The following WWOX variants were observed in gnomAD, a reference collection of about 807,000 sequenced individuals.
The protein encoded by WWOX is WW domain containing oxidoreductase.
A neutral mutation model predicts 46.2 loss-of-function variants in WWOX; 69 were observed. The ratio of observed to expected loss-of-function variants is 1.49; its 90% CI spans 1.23 to 1.82. The LOEUF (loss-of-function observed/expected upper bound fraction) is 1.82. WWOX is among the 40% of genes most tolerant of loss of function. WWOX has a pLI of 0.00. For missense variants in WWOX, 919 were observed against 542.6 expected (o/e 1.69, Z -6.89); for synonymous variants, 359 against 202.6 (o/e 1.77, Z -6.56).
At chr16:78,260,898 C>T (rs2079215324) in intron 5 of WWOX, among the ~76,000 whole-genome samples, 4 of 140,738 alleles carry the variant, frequency 2.8e-5, no homozygotes, top group African/African-American at 8.2e-5. Context: ...GATCACACCA[C>T]TGCACTCCAG....
intron 8 of WWOX, among the ~76,000 whole-genome samples, chr16:79,209,138 A>T (rs2051624010): frequency 6.6e-6 from 1 of 152,214 alleles, no homozygotes; most frequent in Admixed American, 6.5e-5. Context: ...CTCCTGATAA[A>T]AAGTTAGGCT....
intron 8 of WWOX, among the ~76,000 whole-genome samples, chr16:78,540,219 C>T (rs768758947): frequency 2.0e-5 from 3 of 151,208 alleles, no homozygotes; most frequent in Non-Finnish European, 4.4e-5. Context: ...TGGGATTGAT[C>T]TCCTGCAGCA....
intron 8 of WWOX, among the ~76,000 whole-genome samples, chr16:78,703,619 G>T (rs958778900): frequency 9.9e-5 from 15 of 151,302 alleles, no homozygotes; most frequent in African/African-American, 3.2e-4. Context: ...ATGCTGTTTT[G>T]TTTTTGTTTT....
In WWOX at chr16:78,373,879, C is replaced by T. The variant is rs182014522; in HGVS notation, c.517-12981C>T. ...CTCGGCTCACTGCAAACTCTGCCTC[C>T]TGAGTTCAAGCAATCCTCCCACCTC... On this transcript the variant is annotated intron_variant, in intron 5 of 8. Transcript: ENST00000566780. Among the ~76,000 whole-genome samples the T allele has an allele frequency of 1.7e-3, 258 of 152,296 alleles. 1 individual carries two copies. Among genetic ancestry groups the T allele is most frequent in the African/African-American group, 5.9e-3 (244 of 41,566 alleles).
chr16:78,393,221 A>C (rs1037255192), intron 6 of WWOX, among the ~76,000 whole-genome samples: 36 of 152,180 alleles, frequency 2.4e-4, no homozygotes, highest in African/African-American at 8.7e-4. Flanking sequence ...CTGAGAAATA[A>C]CAGTATGTTT....
intron 8 of WWOX, among the ~76,000 whole-genome samples, chr16:78,816,916 T>A (rs1216044301): frequency 1.3e-5 from 2 of 152,188 alleles, no homozygotes; most frequent in African/African-American, 4.8e-5. Context: ...CAAGATTCCA[T>A]TGCAAGTCCC....
At chr16:78,524,977 T>G (rs2043429320) in intron 8 of WWOX, among the ~76,000 whole-genome samples, 1 of 150,058 alleles carries the variant, frequency 6.7e-6, no homozygotes, top group Admixed American at 6.6e-5. Flanking sequence ...GCAATCTTCG[T>G]GTTTCAGCCT....
At chr16:78,857,694 C>G (rs991424300) in intron 8 of WWOX, among the ~76,000 whole-genome samples, 1 of 152,192 alleles carries the variant, frequency 6.6e-6, no homozygotes, top group Non-Finnish European at 1.5e-5. Context: ...GAATTGATCA[C>G]TAGAGGCCTT....
At chr16:78,579,293 A>G (rs1251842137) in intron 8 of WWOX, among the ~76,000 whole-genome samples, 1 of 152,168 alleles carries the variant, frequency 6.6e-6, no homozygotes, top group African/African-American at 2.4e-5. Flanking sequence ...GTAGAGTGTG[A>G]CAGCATATGT....
intron 8 of WWOX, among the ~76,000 whole-genome samples, chr16:78,941,772 A>G (rs941484613): frequency 1.3e-5 from 2 of 152,208 alleles, no homozygotes; most frequent in African/African-American, 2.4e-5. Context: ...TTTTTAAAAA[A>G]GGTATCATAA....
intron 8 of WWOX, among the ~76,000 whole-genome samples, chr16:78,791,345 T>C (rs191482439): frequency 1.7e-4 from 26 of 152,244 alleles, no homozygotes; most frequent in Admixed American, 3.3e-4. Context: ...CTCAGGTTTA[T>C]GTATTAGGAA....
chr16:78,837,065 C>T (rs1467839822), intron 8 of WWOX, among the ~76,000 whole-genome samples: 1 of 151,720 alleles, frequency 6.6e-6, no homozygotes, highest in Non-Finnish European at 1.5e-5. Context: ...ACAAGAAGTT[C>T]CAGAATTGCA....
chr16:78,874,216 G>A (rs919285534), intron 8 of WWOX, among the ~76,000 whole-genome samples: 1 of 148,724 alleles, frequency 6.7e-6, no homozygotes, highest in African/African-American at 2.5e-5. Context: ...AGATGGCGCC[G>A]CTGCACTCTA....
chr16:79,050,537 G>A (rs1026244617), intron 8 of WWOX, among the ~76,000 whole-genome samples: 1 of 152,210 alleles, frequency 6.6e-6, no homozygotes, highest in African/African-American at 2.4e-5. Flanking sequence ...CACGGTTAGA[G>A]AGGGAGGATA....
intron 8 of WWOX, among the ~76,000 whole-genome samples, chr16:78,797,225 T>G (rs1006287254): frequency 6.6e-6 from 1 of 152,026 alleles, no homozygotes; most frequent in African/African-American, 2.4e-5. Context: ...GGCTTCTGAA[T>G]GAAGAGAACC....
At chr16:78,467,334 C>T (rs974765166) in intron 8 of WWOX, among the ~76,000 whole-genome samples, 1 of 151,952 alleles carries the variant, frequency 6.6e-6, no homozygotes, top group Non-Finnish European at 1.5e-5. Flanking sequence ...CATGTATGCG[C>T]ACATACACAT....
chr16:78,104,783 A>C (rs1005660274), intron 1 of WWOX, among the ~76,000 whole-genome samples: 10 of 152,336 alleles, frequency 6.6e-5, no homozygotes, highest in African/African-American at 2.4e-4. Context: ...TATTTATTAA[A>C]AAAAAGTCTT....
At chr16:78,660,044 C>A (rs2047176132) in intron 8 of WWOX, among the ~76,000 whole-genome samples, 1 of 152,224 alleles carries the variant, frequency 6.6e-6, no homozygotes, top group African/African-American at 2.4e-5. Flanking sequence ...GCAAACACAT[C>A]ATTCACCATA....
chr16:78,797,441 T>C (rs900722525), intron 8 of WWOX, among the ~76,000 whole-genome samples: 1 of 147,664 alleles, frequency 6.8e-6, no homozygotes. Flanking sequence ...TTTCCCCAAA[T>C]GCCTAAAGTA....
Sources: gnomAD v4.1 joint callset for allele counts (sites outside exome capture counted in the v4.1 genomes callset) on GRCh38, gnomAD v4.1.1 for gene constraint, MANE v1.5 for transcripts, NCBI Gene and HGNC (gene_info 2026-07-23, HGNC 2026-07-21) for gene names.